Variants in CNTNAP4 observed in about 807,000 individuals in gnomAD.
The protein encoded by CNTNAP4 is contactin-associated protein-like 4.
In CNTNAP4, 98 loss-of-function variants were observed where a neutral mutation model predicts 148.4. The ratio of observed to expected loss-of-function variants is 0.66; its 90% CI spans 0.56 to 0.78. The LOEUF (loss-of-function observed/expected upper bound fraction) is 0.78, where lower values mean the gene tolerates loss of function less well. Ranked by LOEUF, CNTNAP4 falls within the 30% of genes least tolerant of loss-of-function variation. CNTNAP4 has a pLI of 0.00. For synonymous variants in CNTNAP4, 730 were observed against 565.1 expected (o/e 1.29, Z -4.14); for missense variants, 1,935 against 1,565.6 (o/e 1.24, Z -3.98).
At chr16:76,486,654 C>G (rs1385098339) in intron 12 of CNTNAP4, among the ~76,000 whole-genome samples, 2 of 152,312 alleles carry the variant, frequency 1.3e-5, no homozygotes, top group African/African-American at 4.8e-5. Context: ...AAAGGCTTAT[C>G]TCCCCCAGAT....
At chr16:76,454,064 A>C (rs1310950553) in intron 8 of CNTNAP4, among the ~76,000 whole-genome samples, 1 of 151,236 alleles carries the variant, frequency 6.6e-6, no homozygotes, top group Non-Finnish European at 1.5e-5. Context: ...AAACCGCTTC[A>C]GTGCAACGTT....
At chr16:76,555,599 A>G (rs1262863467) in intron 23 of CNTNAP4, among the ~76,000 whole-genome samples, 2 of 152,224 alleles carry the variant, frequency 1.3e-5, no homozygotes, top group African/African-American at 4.8e-5. Flanking sequence ...ATAGAGTGGT[A>G]TATAGTCATC....
At chr16:76,471,043 TC>T (rs35138755) in intron 10 of CNTNAP4, among the ~76,000 whole-genome samples, 53,642 of 151,934 alleles carry the variant, frequency 0.35, 10,873 homozygotes, top group Middle Eastern at 0.47. Flanking sequence ...CATAAGTCCT[TC>T]CCAGACTTCT....
intron 1 of CNTNAP4, chr16:76,309,950 T>A (rs955728023): frequency 2.9e-6 from 2 of 698,820 alleles, no homozygotes; most frequent in Non-Finnish European, 2.6e-6. Context: ...CTCGGGTATG[T>A]CTTTATCAGC....
intron 3 of CNTNAP4, among the ~76,000 whole-genome samples, chr16:76,364,810 A>C (rs550116410): frequency 1.3e-5 from 2 of 152,036 alleles, no homozygotes; most frequent in African/African-American, 4.8e-5. Context: ...AATATTTACA[A>C]CTATTCTGTA....
intron 1 of CNTNAP4, among the ~76,000 whole-genome samples, chr16:76,301,422 G>C (rs1003715100): frequency 3.9e-5 from 6 of 152,030 alleles, no homozygotes; most frequent in African/African-American, 1.2e-4. Flanking sequence ...AATTGAAACA[G>C]GTGTTTTCTA....
At chr16:76,311,469 A>AT (rs1326731741) in intron 1 of CNTNAP4, among the ~76,000 whole-genome samples, 2 of 152,086 alleles carry the variant, frequency 1.3e-5, no homozygotes, top group Non-Finnish European at 2.9e-5. Flanking sequence ...GACTCAGCAT[A>AT]TTTTTTTCTA....
chr16:76,354,031 C>G (rs2012228617), intron 2 of CNTNAP4, among the ~76,000 whole-genome samples: 1 of 152,118 alleles, frequency 6.6e-6, no homozygotes, highest in African/African-American at 2.4e-5. Context: ...TAATCTGTAT[C>G]TAAAATTCCA....
intron 3 of CNTNAP4, among the ~76,000 whole-genome samples, chr16:76,403,828 A>T (rs567113027): frequency 2.0e-4 from 30 of 152,370 alleles, no homozygotes; most frequent in African/African-American, 7.0e-4. Context: ...TGGATAAAGA[A>T]AATATGGTAC....
chr16:76,439,069 T>C (rs2079941205), intron 4 of CNTNAP4, among the ~76,000 whole-genome samples: 2 of 152,178 alleles, frequency 1.3e-5, no homozygotes. Context: ...AATATGTCTG[T>C]ACACACAGGA....
chr16:76,342,727 A>G (rs888430085), intron 2 of CNTNAP4, among the ~76,000 whole-genome samples: 3 of 152,114 alleles, frequency 2.0e-5, no homozygotes, highest in Non-Finnish European at 4.4e-5. Flanking sequence ...CCACCTCGGC[A>G]TAAATTGCTA....
Position 76,493,445 on chromosome 16 carries a change from G to C in CNTNAP4, c.2081-1465G>C, listed in dbSNP as rs189171182. Among the ~76,000 whole-genome samples, 5 of 150,158 alleles carry C rather than the reference G, an allele frequency of 3.3e-5. No individual in the cohort carries two copies. In the East Asian group the frequency reaches 1.0e-3, roughly 30 times the overall value. The stretch of plus-strand genomic sequence containing the variant: ...TTTTACCTTTAATTTTTATTTCTCA[G>C]GGTTTTAAAAATTCATTCCTTTACT... On this transcript the variant is annotated intron_variant, in intron 13 of 23. Coordinates refer to ENST00000611870, the MANE Select transcript of CNTNAP4 (RefSeq NM_033401.5).
At chr16:76,373,570 T>C (rs1051881534) in intron 3 of CNTNAP4, among the ~76,000 whole-genome samples, 8 of 152,202 alleles carry the variant, frequency 5.3e-5, no homozygotes, top group Admixed American at 3.3e-4. Context: ...GTTAGGACAT[T>C]TGTCCAGAAG....
chr16:76,526,602 T>C (rs2083744676), intron 17 of CNTNAP4, among the ~76,000 whole-genome samples: 1 of 152,184 alleles, frequency 6.6e-6, no homozygotes, highest in South Asian at 2.1e-4. Context: ...CACTTATCTA[T>C]GATAATATGC....
intron 3 of CNTNAP4, among the ~76,000 whole-genome samples, chr16:76,392,676 A>T (rs79475557): frequency 3.9e-5 from 6 of 152,218 alleles, no homozygotes; most frequent in Admixed American, 3.3e-4. Context: ...GCCTCAGTCA[A>T]ACACAAAGAA....
intron 9 of CNTNAP4, among the ~76,000 whole-genome samples, chr16:76,465,220 C>T (rs949870725): frequency 6.6e-6 from 1 of 152,198 alleles, no homozygotes; most frequent in African/African-American, 2.4e-5. Flanking sequence ...ACTAAGTATT[C>T]TTCAGAAATC....
intron 3 of CNTNAP4, among the ~76,000 whole-genome samples, chr16:76,385,405 T>C (rs925926746): frequency 2.0e-4 from 31 of 152,288 alleles, no homozygotes; most frequent in Non-Finnish European, 2.4e-4. Flanking sequence ...ATTTTGATTA[T>C]AAATTCAAAC....
chr16:76,440,043 G>C (rs142804022), intron 4 of CNTNAP4, among the ~76,000 whole-genome samples: 1 of 130,120 alleles, frequency 7.7e-6, no homozygotes, highest in African/African-American at 3.1e-5. Flanking sequence ...ACCTCTGTTT[G>C]TTTAGTAATT....
intron 1 of CNTNAP4, among the ~76,000 whole-genome samples, chr16:76,292,277 C>T (rs1959146256): frequency 6.6e-6 from 1 of 152,202 alleles, no homozygotes; most frequent in Non-Finnish European, 1.5e-5. Flanking sequence ...CCTTCCTGCT[C>T]AAGAATTTAT....
Sources: allele counts gnomAD v4.1 joint callset (sites outside exome capture counted in the v4.1 genomes callset), GRCh38; gene constraint gnomAD v4.1.1; transcripts MANE v1.5; gene names NCBI Gene and HGNC (gene_info 2026-07-23, HGNC 2026-07-21).